The following RIPK1 variants were observed in gnomAD, a reference collection of about 807,000 sequenced individuals.
The protein encoded by RIPK1 is receptor-interacting serine/threonine-protein kinase 1.
In RIPK1, 27 loss-of-function variants were observed where a neutral mutation model predicts 62.4. The observed-to-expected ratio is 0.43, with a 90% confidence interval of 0.32 to 0.60. RIPK1 has a LOEUF of 0.60. Ranked by LOEUF, RIPK1 falls within the 20% of genes least tolerant of loss-of-function variation. The pLI, the probability that RIPK1 is intolerant of heterozygous loss-of-function variation, is 0.07. For synonymous variants in RIPK1, 287 were observed against 303.2 expected (o/e 0.95, Z 0.55); for missense variants, 735 against 831.0 (o/e 0.88, Z 1.42).
intron 3 of RIPK1, among the ~76,000 whole-genome samples, 172 bp from the exon 4 acceptor site, chr6:3,080,807 C>A (rs923107232): frequency 1.3e-5 from 2 of 151,700 alleles, no homozygotes; most frequent in African/African-American, 2.4e-5. Context: ...CTGCCCCCCC[C>A]CGAATGAAAT....
intron 6 of RIPK1, among the ~76,000 whole-genome samples, chr6:3,087,754 T>G (rs542007689): frequency 6.6e-5 from 10 of 150,642 alleles, no homozygotes; most frequent in Admixed American, 5.3e-4. Context: ...TTAGCCAGGA[T>G]GGTCTCCATC....
At chr6:3,076,046 T>G (rs1463978508) in intron 1 of RIPK1, among the ~76,000 whole-genome samples, 3 of 152,164 alleles carry the variant, frequency 2.0e-5, no homozygotes, top group Non-Finnish European at 4.4e-5. Flanking sequence ...GATGGCGAGG[T>G]TGGCACTCCC....
intron 9 of RIPK1, among the ~76,000 whole-genome samples, chr6:3,110,225 T>G (rs1256179778): frequency 1.4e-5 from 1 of 69,514 alleles, no homozygotes; most frequent in Non-Finnish European, 3.3e-5. Context: ...TTTTTTTTTT[T>G]GAGACAGACT....
chr6:3,063,998 C>G (rs1278098758), upstream of RIPK1: 4 of 152,448 alleles, frequency 2.6e-5, no homozygotes, highest in Non-Finnish European at 4.4e-5. Flanking sequence ...CAGCAGGGCC[C>G]GGTCCTGCGC....
At chr6:3,097,165 C>T (rs1050139287) in intron 7 of RIPK1, among the ~76,000 whole-genome samples, 1 of 152,130 alleles carries the variant, frequency 6.6e-6, no homozygotes, top group Admixed American at 6.6e-5. Flanking sequence ...GCCACCACGC[C>T]CAGCCTATAT....
intron 3 of RIPK1, among the ~76,000 whole-genome samples, chr6:3,079,980 A>T (rs1328998700): frequency 6.6e-6 from 1 of 152,164 alleles, no homozygotes; most frequent in African/African-American, 2.4e-5. Context: ...CATCAGGAGG[A>T]CCTGAGAGAG....
chr6:3,087,696 C>T (rs1391663443), intron 6 of RIPK1, among the ~76,000 whole-genome samples: 2 of 151,998 alleles, frequency 1.3e-5, no homozygotes, highest in Non-Finnish European at 2.9e-5. Flanking sequence ...CCCGCCACCA[C>T]ACCTGGCTAA....
rs550312547 is a variant in RIPK1 at position 3,077,489 on chromosome 6, G to C, written c.165-290G>C. ...TTTTTTTAATCGTTCTGTCCAGCACGGTCTTTTTTCAGGTTACCTTGCTGC... is the reference window on the plus strand; with the variant it reads ...TTTTTTTAATCGTTCTGTCCAGCACCGTCTTTTTTCAGGTTACCTTGCTGC... On this transcript the variant is annotated intron_variant, in intron 2 of 10. Transcript: ENST00000259808. 2.4e-3 allele frequency among the ~76,000 whole-genome samples: 369 copies of C among 151,612 alleles called. 2 individuals carry two copies. Among genetic ancestry groups the C allele is most frequent in the African/African-American group, 8.5e-3 (350 of 41,264 alleles).
chr6:3,099,851 ACT>A (rs1328901720), intron 7 of RIPK1, among the ~76,000 whole-genome samples: 2 of 152,158 alleles, frequency 1.3e-5, no homozygotes. Context: ...CTGCAGTTCT[ACT>A]CTCAGTAATC....
At chr6:3,070,674 G>A (rs553950998) in intron 1 of RIPK1, among the ~76,000 whole-genome samples, 4 of 144,978 alleles carry the variant, frequency 2.8e-5, no homozygotes, top group Admixed American at 2.0e-4. Context: ...TTGGCAATCT[G>A]CCCTCCTTGG....
At chr6:3,077,986 T>G in intron 3 of RIPK1, 51 bp downstream of exon 3, 3 of 1,588,702 alleles carry the variant, frequency 1.9e-6, no homozygotes, top group East Asian at 4.5e-5. Flanking sequence ...GCCCTGGCTG[T>G]CTGTTATGGC....
intron 4 of RIPK1, among the ~76,000 whole-genome samples, chr6:3,082,028 G>T (rs1759417545): frequency 6.6e-6 from 1 of 152,014 alleles, no homozygotes; most frequent in African/African-American, 2.4e-5. Flanking sequence ...TGTCGTAAAG[G>T]GAACAAGGGA....
chr6:3,099,180 A>C (rs1760471794), intron 7 of RIPK1, among the ~76,000 whole-genome samples: 1 of 152,262 alleles, frequency 6.6e-6, no homozygotes. Context: ...ATGGAAAGGT[A>C]GTCAAAAAGG....
chr6:3,081,601 C>T (rs1759384002), intron 4 of RIPK1, among the ~76,000 whole-genome samples: 1 of 152,062 alleles, frequency 6.6e-6, no homozygotes. Context: ...TGGCCCACGC[C>T]TGTTATCTCA....
At chr6:3,070,860 G>A (rs1758676019) in intron 1 of RIPK1, among the ~76,000 whole-genome samples, 1 of 152,212 alleles carries the variant, frequency 6.6e-6, no homozygotes, top group Non-Finnish European at 1.5e-5. Flanking sequence ...CAGATTATTT[G>A]CTATCTAGAG....
At chr6:3,087,789 T>C (rs921635468) in intron 6 of RIPK1, among the ~76,000 whole-genome samples, 2 of 44,320 alleles carry the variant, frequency 4.5e-5, no homozygotes, top group Non-Finnish European at 2.3e-4. Flanking sequence ...TCAGCCCGCC[T>C]CGGCCTCCCA....
upstream of RIPK1, among the ~76,000 whole-genome samples, chr6:3,065,942 A>C (rs1758360710): frequency 6.6e-6 from 1 of 152,200 alleles, no homozygotes; most frequent in African/African-American, 2.4e-5. Flanking sequence ...CAACCTCCCA[A>C]GGTCACATGA....
In RIPK1 at chr6:3,083,281, G is replaced by A; in HGVS notation, c.656G>A (p.Trp219Ter). 1 of 1,613,498 alleles carries A rather than the reference G, an allele frequency of 6.2e-7. No homozygotes were observed. The highest frequency in any genetic ancestry group is 8.5e-7 in the Non-Finnish European group (1 of 1,179,968). Residue 219 changes from tryptophan to a stop codon, truncating the protein, a stop_gained, in exon 5 of 11, where the codon TGG becomes TAG. Coordinates refer to ENST00000259808, the MANE Select transcript of RIPK1 (RefSeq NM_001354930.2). LOFTEE classifies it high-confidence loss of function. Reference sequence around the variant, plus strand: ...GTGTACAGCTTTGCTGTAGTACTCTGGGCGATATTTGCAAATAAGGAGCCA... The same window carrying A: ...GTGTACAGCTTTGCTGTAGTACTCTAGGCGATATTTGCAAATAAGGAGCCA... ...SDVYSFAVVLWAIFANKEPYE... is the reference protein window; with the variant it reads ...SDVYSFAVVL
intron 3 of RIPK1, 28 bp from the exon 4 acceptor site, chr6:3,080,951 T>G: frequency 6.2e-7 from 1 of 1,608,338 alleles, no homozygotes. Context: ...ACCTTTCCAT[T>G]TCATAGACTT....
Sources: gnomAD v4.1 joint callset for allele counts (sites outside exome capture counted in the v4.1 genomes callset) on GRCh38, gnomAD v4.1.1 for gene constraint, MANE v1.5 for transcripts, NCBI Gene and HGNC (gene_info 2026-07-23, HGNC 2026-07-21) for gene names.